The following CHERP variants were observed in gnomAD, a reference collection of about 807,000 sequenced individuals.
CHERP encodes calcium homeostasis endoplasmic reticulum protein.
CHERP carries 8 observed loss-of-function variants against 113.8 expected under a neutral mutation model. The ratio of observed to expected loss-of-function variants is 0.07; its 90% confidence interval spans 0.04 to 0.13. The LOEUF (loss-of-function observed/expected upper bound fraction) is 0.13. Ranked by LOEUF, CHERP falls within the 10% of genes least tolerant of loss-of-function variation. The pLI is 1.00. For synonymous variants in CHERP, 559 were observed against 524.5 expected (o/e 1.07, Z -0.90); for missense variants, 884 against 1,298.2 (o/e 0.68, Z 4.90).
chr19:16,521,420 G>A, intron 12 of CHERP, 101 bp downstream of exon 12: 1 of 1,196,312 alleles, frequency 8.4e-7, no homozygotes, highest in Non-Finnish European at 1.1e-6. Context: ...TTTCTCCTGA[G>A]GGACAGCCAC....
rs1001177521 is a variant in CHERP, at chr19:16,520,848, T to G, written c.2179A>C (p.Lys727Gln). ...FRAKMRARRR[K>Q]GQEKRNSGPS... ...TACCTGTTCCTCTTCTCCTGGCCTT[T>G]CCTCCGCCGGGCCCGCATTTTTGCT... The change falls in exon 13 of 17, where the codon AAA (lysine) becomes CAA (glutamine). Residue 727 changes from lysine (K) to glutamine (Q), a missense_variant. Coordinates refer to ENST00000546361, the MANE Select transcript of CHERP (RefSeq NM_006387.6). The surrounding 1 kb of genome is among the most constrained non-coding windows in gnomAD (Gnocchi z 4.0). 1 of 1,613,730 alleles carries G rather than the reference T, an allele frequency of 6.2e-7. No homozygotes were observed. The highest frequency in any genetic ancestry group is 8.5e-7 in the Non-Finnish European group (1 of 1,180,030).
At chr19:16,533,535 A>C (rs1484690310) in intron 3 of CHERP, among the ~76,000 whole-genome samples, 1 of 152,174 alleles carries the variant, frequency 6.6e-6, no homozygotes, top group Non-Finnish European at 1.5e-5. Context: ...AGGCGGGAGG[A>C]TCGCTTGAGC....
intron 9 of CHERP, 87 bp downstream of exon 9, chr19:16,527,993 C>T (rs1421215766): frequency 1.5e-6 from 2 of 1,343,660 alleles, no homozygotes; most frequent in Non-Finnish European, 2.1e-6. Context: ...CAGTAAGCCA[C>T]TCAACGCCCA....
rs1470969993 is a variant in CHERP, at chr19:16,535,735, G to C, written c.200-99C>G. On this transcript the variant is annotated intron_variant, in intron 2 of 16. Transcript: ENST00000546361. The surrounding 1 kb of genome is among the most constrained non-coding windows in gnomAD (Gnocchi z 4.3). ...GCCACAGGGGCCTCCCCCTCCCCAG[G>C]GACTCACCATCCACGAGGGCCTGTT... 2 of 1,183,506 alleles carry C rather than the reference G, an allele frequency of 1.7e-6. No individual in the cohort carries two copies. Among genetic ancestry groups the C allele is most frequent in the Non-Finnish European group, 2.3e-6 (2 of 870,200 alleles). 73.3% of individuals were successfully genotyped at this position (1,183,506 alleles called of 1,614,324 possible). A position where few individuals can be genotyped will look rare whatever the true frequency, so the allele number is the denominator to read the frequency against.
chr19:16,534,835 G>GTCC (rs2085730386), intron 3 of CHERP, among the ~76,000 whole-genome samples: 1 of 152,162 alleles, frequency 6.6e-6, no homozygotes, highest in Non-Finnish European at 1.5e-5. Flanking sequence ...GGACAAAAGG[G>GTCC]TCCTTCTGGC....
rs768031087 is a variant in CHERP, at chr19:16,532,338, C to T, written c.674+260G>A. 15 of 452,894 alleles carry T rather than the reference C, an allele frequency of 3.3e-5. No homozygotes were observed. The highest frequency in any genetic ancestry group is 5.5e-5 in the Non-Finnish European group (14 of 253,582). 28.1% of individuals were successfully genotyped at this position (452,894 alleles called of 1,614,324 possible). A position where few individuals can be genotyped will look rare whatever the true frequency, so the allele number is the denominator to read the frequency against. ...GCAGGGGACAGTGGCCCCCAGGAGACAGCAATGTGACAGGTGAGGCCGGGG... is the reference window on the plus strand; with the variant it reads ...GCAGGGGACAGTGGCCCCCAGGAGATAGCAATGTGACAGGTGAGGCCGGGG... On this transcript the variant is annotated intron_variant, in intron 5 of 16. Transcript: ENST00000546361. This position sits in a 1 kb window ranked among gnomAD's most constrained non-coding sequence, Gnocchi z 4.4.
Position 16,529,760 on chromosome 19 carries a change from CTGCTGCTGT to C in CHERP, c.1008_1016del (p.Gln339_Gln341del), listed in dbSNP as rs752229825. On this transcript the variant is annotated inframe_deletion, in exon 8 of 17. Transcript: ENST00000546361. ...CCATCTGCGGCATCTGGAGCTGCTG[CTGCTGCTGT>C]TGCTGCTGCTGCTGCTGCTGGGCCA... is the stretch of plus-strand genomic sequence containing the variant. The C allele has an allele frequency of 4.3e-6, 7 of 1,612,122 alleles. No homozygotes were observed. Among genetic ancestry groups the C allele is most frequent in the East Asian group, 2.2e-5 (1 of 44,874 alleles).
At chr19:16,539,233 T>C (rs8112193) in intron 2 of CHERP, among the ~76,000 whole-genome samples, 74,454 of 149,002 alleles carry the variant, frequency 0.5, 19,324 homozygotes, top group African/African-American at 0.65. Context: ...CTGCAAGCTC[T>C]GCCTCCCAGG....
chr19:16,537,177 C>T (rs1051552852), intron 2 of CHERP, among the ~76,000 whole-genome samples: 3 of 148,716 alleles, frequency 2.0e-5, no homozygotes, highest in Middle Eastern at 4.0e-3. Context: ...CCCCGCACCC[C>T]CCTCCTTCCC....
rs1289016346 is a variant in CHERP, at chr19:16,520,679, G to C, written c.2201+147C>G. 1.8e-6 allele frequency: 2 copies of C among 1,129,356 alleles called. No homozygotes were observed. Among genetic ancestry groups the C allele is most frequent in the African/African-American group, 1.5e-5 (1 of 64,966 alleles). The allele number at this position is 1,129,356 out of a possible 1,614,324, so 70.0% of individuals were successfully genotyped here. A position where few individuals can be genotyped will look rare whatever the true frequency, so the allele number is the denominator to read the frequency against. On this transcript the variant is annotated intron_variant, in intron 13 of 16. Transcript: ENST00000546361. This position sits in a 1 kb window ranked among gnomAD's most constrained non-coding sequence, Gnocchi z 4.0. ...AAATAGTGTGGCCGAGCCTGCTGCT[G>C]TGTGAATTCAGGCCTTGTGGAAAAC...
intron 10 of CHERP, among the ~76,000 whole-genome samples, chr19:16,524,244 C>CAA (rs201918193): frequency 9.3e-5 from 14 of 151,322 alleles, no homozygotes; most frequent in Non-Finnish European, 1.8e-4. Context: ...GGCTCAGTCT[C>CAA]AAAAAAACAA....
rs760949491 is a variant in CHERP at position 16,528,139 on chromosome 19, G to C, written c.1246C>G (p.Pro416Ala). 2.5e-6 allele frequency: 4 copies of C among 1,613,656 alleles called. No homozygotes were observed. The African/African-American group carries it at 5.3e-5, about 22-fold the overall frequency. ...RGPGPHDQIP[P>A]NKPPWFDQPH... ...TGGTCAAACCAAGGGGGCTTGTTTG[G>C]TGGGATCTGGTCGTGTGGCCCGGGG... The change falls in exon 9 of 17, where the codon CCA (proline) becomes GCA (alanine). Residue 416 changes from proline to alanine, a missense_variant. Pro to Ala is a conservative substitution (Grantham distance 27, BLOSUM62 -1). This residue lies in a region of CHERP where 464 missense variants were observed against 590.1 expected (regional missense o/e 0.79). Coordinates refer to ENST00000546361, the MANE Select transcript of CHERP (RefSeq NM_006387.6).
chr19:16,537,175 C>T (rs2085746583), intron 2 of CHERP, among the ~76,000 whole-genome samples: 1 of 151,490 alleles, frequency 6.6e-6, no homozygotes, highest in Non-Finnish European at 1.5e-5. Context: ...CTCCCCGCAC[C>T]CCCCTCCTTC....
Position 16,535,141 on chromosome 19 carries a change from T to C in CHERP, c.384+311A>G, listed in dbSNP as rs1222076421. On this transcript the variant is annotated intron_variant, in intron 3 of 16. Coordinates refer to ENST00000546361, the MANE Select transcript of CHERP (RefSeq NM_006387.6). The surrounding 1 kb of genome is among the most constrained non-coding windows in gnomAD (Gnocchi z 4.3). ...AGCTACTGTGTGGTGGGGCCAATGGTAGGCACCAGAGGCTGCCTGGCCACA... is the reference window on the plus strand; with the variant it reads ...AGCTACTGTGTGGTGGGGCCAATGGCAGGCACCAGAGGCTGCCTGGCCACA... 6.6e-6 allele frequency among the ~76,000 whole-genome samples: 1 copy of C among 151,812 alleles called. No homozygotes were observed. Among genetic ancestry groups the C allele is most frequent in the East Asian group, 1.9e-4 (1 of 5,170 alleles).
At position 16,535,554 on chromosome 19, in the gene CHERP, CGCGGCGGGG is replaced by C; in HGVS notation, c.273_281del (p.Ala93_Pro95del). Reference sequence around the variant, plus strand: ...GCGCGCCCTGGGCCGGCGGGATGGGCGCGGCGGGGGCCAGCGGGGGCTGTGGCAGGGGTG... The same window carrying C: ...GCGCGCCCTGGGCCGGCGGGATGGGCGCCAGCGGGGGCTGTGGCAGGGGTG... On this transcript the variant is annotated inframe_deletion, in exon 3 of 17. Coordinates refer to ENST00000546361, the MANE Select transcript of CHERP (RefSeq NM_006387.6). The surrounding 1 kb of genome is among the most constrained non-coding windows in gnomAD (Gnocchi z 4.3). 6.3e-7 allele frequency: 1 copy of C among 1,583,846 alleles called. No individual in the cohort carries two copies. Among genetic ancestry groups the C allele is most frequent in the Non-Finnish European group, 8.6e-7 (1 of 1,165,880 alleles).
rs372562715 is a variant in CHERP, at chr19:16,528,272, G to A, written c.1130-17C>T. 2.8e-5 allele frequency: 43 copies of A among 1,554,770 alleles called. 1 individual carries two copies. In the African/African-American group the frequency reaches 3.4e-4, roughly 12 times the overall value. ...TGCTGTCATCTAAATCCAAGTGACA[G>A]GCAGTTAGAGCAGGCCTGGCAGCAG... On this transcript the variant is annotated splice_polypyrimidine_tract_variant and intron_variant, in intron 8 of 16. Coordinates refer to ENST00000546361, the MANE Select transcript of CHERP (RefSeq NM_006387.6).
chr19:16,524,211 C>T (rs1472393106), intron 10 of CHERP, among the ~76,000 whole-genome samples: 1 of 152,122 alleles, frequency 6.6e-6, no homozygotes, highest in Non-Finnish European at 1.5e-5. Context: ...TGTGCCACTG[C>T]ACTCCAGCCT....
chr19:16,542,168 C>T (rs1341350268), intron 1 of CHERP, 125 bp from the exon 2 acceptor site: 1 of 1,201,446 alleles, frequency 8.3e-7, no homozygotes, highest in Non-Finnish European at 1.1e-6. Flanking sequence ...AAGAGGCCGC[C>T]CTTGTACGGG....
At position 16,523,586 on chromosome 19, in the gene CHERP, G is replaced by A. The variant is rs529693772; in HGVS notation, c.1742-296C>T. Reference sequence around the variant, plus strand: ...TTGTGACCCTCCGAATCCATACGCTGAGGTCCCAGCCCCCAGTAGCTCAGG... The same window carrying A: ...TTGTGACCCTCCGAATCCATACGCTAAGGTCCCAGCCCCCAGTAGCTCAGG... On this transcript the variant is annotated intron_variant, in intron 10 of 16. Transcript: ENST00000546361. This position sits in a 1 kb window ranked among gnomAD's most constrained non-coding sequence, Gnocchi z 4.0. Among the ~76,000 whole-genome samples, 73 of 152,184 alleles carry A rather than the reference G, an allele frequency of 4.8e-4. No homozygotes were observed. The highest frequency in any genetic ancestry group is 9.6e-4 in the Non-Finnish European group (65 of 68,036).
Sources: allele counts gnomAD v4.1 joint callset (sites outside exome capture counted in the v4.1 genomes callset), GRCh38; gene constraint gnomAD v4.1.1; regional missense constraint gnomAD v4.1.1; non-coding constraint Gnocchi (gnomAD v3.1); transcripts MANE v1.5; gene names NCBI Gene and HGNC (gene_info 2026-07-23, HGNC 2026-07-21).